The following DCDC1 variants were observed in gnomAD, a reference collection of about 807,000 sequenced individuals.
DCDC1 encodes doublecortin domain containing 1.
DCDC1 carries 200 observed loss-of-function variants against 178.3 expected under a neutral mutation model. That is an observed-to-expected ratio of 1.12 (90% CI 1.00 to 1.26). The LOEUF (loss-of-function observed/expected upper bound fraction) is 1.26. DCDC1 is among the 50% of genes most tolerant of loss of function. The probability of loss-of-function intolerance (pLI) is 0.00; values close to 1 mark genes in which losing one functional copy is unlikely to be tolerated. For missense variants in DCDC1, 1,983 were observed against 1,749.2 expected, an observed-to-expected ratio of 1.13 and a Z score of -2.38; for synonymous variants, 690 against 604.8, an observed-to-expected ratio of 1.14 and a Z score of -2.07.
intron 9 of DCDC1, among the ~76,000 whole-genome samples, chr11:31,203,736 T>A (rs972997405): frequency 6.6e-6 from 1 of 152,204 alleles, no homozygotes; most frequent in Non-Finnish European, 1.5e-5. Context: ...ATATATATAT[T>A]TTCCAATGGT....
chr11:30,976,773 A>C (rs2134745087), intron 20 of DCDC1, among the ~76,000 whole-genome samples: 1 of 152,270 alleles, frequency 6.6e-6, no homozygotes, highest in South Asian at 2.1e-4. Context: ...AACAGTATGG[A>C]GATTTCTCAA....
At chr11:31,276,537 T>C (rs1409398678) in intron 7 of DCDC1, among the ~76,000 whole-genome samples, 1 of 152,176 alleles carries the variant, frequency 6.6e-6, no homozygotes, top group East Asian at 1.9e-4. Context: ...AATTAAAATG[T>C]AATAAAATGC....
At chr11:30,964,992 G>C (rs1029014092) in intron 20 of DCDC1, among the ~76,000 whole-genome samples, 9 of 152,154 alleles carry the variant, frequency 5.9e-5, no homozygotes, top group African/African-American at 2.2e-4. Context: ...AGAAAAGATA[G>C]GCATGGTAAC....
At chr11:31,259,992 T>A (rs1234224279) in intron 8 of DCDC1, among the ~76,000 whole-genome samples, 1 of 152,160 alleles carries the variant, frequency 6.6e-6, no homozygotes, top group Non-Finnish European at 1.5e-5. Context: ...ATGTTGTTGA[T>A]GTTGTGATAA....
intron 9 of DCDC1, chr11:31,155,833 TA>T (rs1965668728): frequency 6.6e-6 from 1 of 152,184 alleles, no homozygotes; most frequent in African/African-American, 2.4e-5. Flanking sequence ...GAGGAGACAT[TA>T]GAGTCACCTC....
At chr11:31,234,369 G>T (rs1976196235) in intron 9 of DCDC1, among the ~76,000 whole-genome samples, 1 of 152,174 alleles carries the variant, frequency 6.6e-6, no homozygotes, top group Non-Finnish European at 1.5e-5. Flanking sequence ...GAAGTTTGTT[G>T]TAAGATTGAT....
At chr11:31,343,286 C>A (rs1950638360) in intron 1 of DCDC1, among the ~76,000 whole-genome samples, 2 of 152,084 alleles carry the variant, frequency 1.3e-5, no homozygotes, top group South Asian at 4.1e-4. Flanking sequence ...CCACTGCACT[C>A]CAACGTGGGT....
At chr11:31,122,434 A>C (rs1254574524) in intron 11 of DCDC1, among the ~76,000 whole-genome samples, 2 of 152,256 alleles carry the variant, frequency 1.3e-5, no homozygotes, top group East Asian at 3.9e-4. Context: ...TGCTTGCACC[A>C]CACCTGAAGA....
chr11:31,016,317 C>T (rs745886487), intron 20 of DCDC1, among the ~76,000 whole-genome samples: 2 of 152,172 alleles, frequency 1.3e-5, no homozygotes, highest in Non-Finnish European at 2.9e-5. Context: ...CCTCAGATAA[C>T]ATGATTCCAT....
intron 3 of DCDC1, among the ~76,000 whole-genome samples, chr11:31,317,540 C>A (rs1949170612): frequency 1.7e-5 from 1 of 60,316 alleles, no homozygotes; most frequent in Admixed American, 1.8e-4. Context: ...TGCTTATCAG[C>A]TTAAGGAGAT....
At chr11:31,090,748 G>T (rs1440199621) in intron 17 of DCDC1, among the ~76,000 whole-genome samples, 1 of 152,170 alleles carries the variant, frequency 6.6e-6, no homozygotes, top group East Asian at 1.9e-4. Context: ...TATATAGCCA[G>T]AAGTAGTTGG....
At chr11:30,938,565 G>C in intron 21 of DCDC1, among the ~76,000 whole-genome samples, 1 of 151,898 alleles carries the variant, frequency 6.6e-6, no homozygotes, top group South Asian at 2.1e-4. Context: ...CTTTGAGGGG[G>C]AACATGGGGG....
At chr11:31,342,967 A>G (rs1396202636) in intron 1 of DCDC1, among the ~76,000 whole-genome samples, 4 of 152,164 alleles carry the variant, frequency 2.6e-5, no homozygotes, top group Non-Finnish European at 5.9e-5. Context: ...TTTCCCATAA[A>G]GTAGTTCAGG....
intron 22 of DCDC1, among the ~76,000 whole-genome samples, chr11:30,928,673 G>A (rs1946743999): frequency 1.4e-3 from 1 of 732 alleles, no homozygotes; most frequent in African/African-American, 5.1e-3. Context: ...AAAATATACA[G>A]TTTCAAAAAC....
intron 20 of DCDC1, among the ~76,000 whole-genome samples, chr11:31,020,148 G>A (rs916322203): frequency 6.6e-6 from 1 of 152,096 alleles, no homozygotes; most frequent in African/African-American, 2.4e-5. Context: ...TAAACAAGAG[G>A]TGCTGGATAA....
intron 21 of DCDC1, among the ~76,000 whole-genome samples, chr11:30,948,465 A>G (rs1488644979): frequency 1.3e-5 from 2 of 152,220 alleles, no homozygotes; most frequent in African/African-American, 4.8e-5. Context: ...CTCCCCATCA[A>G]GCTACCACTG....
chr11:31,304,868 C>A (rs539574021), intron 6 of DCDC1, among the ~76,000 whole-genome samples: 1 of 152,118 alleles, frequency 6.6e-6, no homozygotes, highest in East Asian at 1.9e-4. Flanking sequence ...ATACATAGCA[C>A]TAGATACCAA....
chr11:31,057,265 AAGGGAGGG>A (rs566614815), intron 20 of DCDC1, among the ~76,000 whole-genome samples: 6 of 128,224 alleles, frequency 4.7e-5, no homozygotes, highest in African/African-American at 9.0e-5. Flanking sequence ...GGAAGGAAGG[AAGGGAGGG>A]AGGGAGGGAG....
At chr11:31,045,371 A>T (rs1590862608) in intron 20 of DCDC1, among the ~76,000 whole-genome samples, 1 of 146,492 alleles carries the variant, frequency 6.8e-6, no homozygotes, top group Admixed American at 6.8e-5. Flanking sequence ...ACTGAATTTG[A>T]CCCCATTTTT....
Sources: gnomAD v4.1 joint callset for allele counts (sites outside exome capture counted in the v4.1 genomes callset) on GRCh38, gnomAD v4.1.1 for gene constraint, MANE v1.5 for transcripts, NCBI Gene and HGNC (gene_info 2026-07-23, HGNC 2026-07-21) for gene names.